The following RARB variants were observed in gnomAD, a reference collection of about 807,000 sequenced individuals.
The protein encoded by RARB is HBV-activated protein.
RARB carries 17 observed loss-of-function variants against 51.9 expected under a neutral mutation model. The ratio of observed to expected loss-of-function variants is 0.33; its 90% CI spans 0.22 to 0.49. The LOEUF (loss-of-function observed/expected upper bound fraction) is 0.49, where lower values mean the gene tolerates loss of function less well. Among genes scored for constraint, RARB ranks in the 20% least tolerant of loss-of-function variants. The probability of loss-of-function intolerance (pLI) is 0.99; values close to 1 mark genes in which losing one functional copy is unlikely to be tolerated. For synonymous variants in RARB, 215 were observed against 195.4 expected (o/e 1.10, Z -0.84); for missense variants, 369 against 550.8 (o/e 0.67, Z 3.30).
rs1360543730 is a variant in RARB at position 25,467,460 on chromosome 3, A to C, written c.306+6119A>C. Among the ~76,000 whole-genome samples, 4 of 144,848 alleles carry C rather than the reference A, an allele frequency of 2.8e-5. No individual in the cohort carries two copies. The East Asian group carries it at 8.4e-4, about 30-fold the overall frequency. ...CCATTAGCCTAGCCTAGGCTTCTTCACGTGGTGGATGGGTTCCCATCAGTA... is the reference window on the plus strand; with the variant it reads ...CCATTAGCCTAGCCTAGGCTTCTTCCCGTGGTGGATGGGTTCCCATCAGTA... On this transcript the variant is annotated intron_variant, in intron 2 of 7. Coordinates refer to ENST00000330688, the MANE Select transcript of RARB (RefSeq NM_000965.5).
At chr3:25,417,963 C>G (rs1164529928) in intron 5 of RARB, among the ~76,000 whole-genome samples, 1 of 152,186 alleles carries the variant, frequency 6.6e-6, no homozygotes, top group Non-Finnish European at 1.5e-5. Context: ...TGTGGCCTTG[C>G]CTCCCTCTGG....
At chr3:25,337,934 C>T (rs998139594) in intron 5 of RARB, among the ~76,000 whole-genome samples, 1 of 151,932 alleles carries the variant, frequency 6.6e-6, no homozygotes, top group African/African-American at 2.4e-5. Context: ...ACTAAGTTTA[C>T]CTAGACAGAA....
chr3:25,189,201 A>C (rs1701042710), intron 5 of RARB, among the ~76,000 whole-genome samples: 1 of 152,164 alleles, frequency 6.6e-6, no homozygotes, highest in Admixed American at 6.6e-5. Flanking sequence ...TCCAAAGGTC[A>C]GTCAGCAAAA....
chr3:24,872,905 C>A lies in RARB; in HGVS notation c.-380+14153C>A, dbSNP rs1195731520. Among the ~76,000 whole-genome samples, 3 of 152,242 alleles carry A rather than the reference C, an allele frequency of 2.0e-5. No individual in the cohort carries two copies. The South Asian group carries it at 6.2e-4, about 31-fold the overall frequency. ...ATCCCTGCGCGTTGACTCTCACTTA[C>A]TGTCCTGTTTTCACACCAGTTATTT... On this transcript the variant is annotated intron_variant, in intron 2 of 11. Coordinates refer to the RARB transcript ENST00000383772.
intron 3 of RARB, among the ~76,000 whole-genome samples, chr3:25,071,411 G>T (rs1018965405): frequency 6.6e-6 from 1 of 152,128 alleles, no homozygotes; most frequent in Non-Finnish European, 1.5e-5. Flanking sequence ...AGAAGGAGAA[G>T]TAATATATCT....
chr3:24,897,713 AC>A (rs1457180354), intron 2 of RARB, among the ~76,000 whole-genome samples: 1 of 150,268 alleles, frequency 6.7e-6, no homozygotes, highest in Non-Finnish European at 1.5e-5. Flanking sequence ...CTGTCCAGAA[AC>A]CATCACAGTA....
intron 3 of RARB, among the ~76,000 whole-genome samples, chr3:25,548,407 T>G (rs986791363): frequency 6.6e-6 from 1 of 152,170 alleles, no homozygotes; most frequent in East Asian, 1.9e-4. Flanking sequence ...TGTACTCTAT[T>G]CAAGGTTATA....
In RARB at chr3:24,964,914, C is replaced by T. The variant is rs185878340; in HGVS notation, c.-379-95211C>T. On this transcript the variant is annotated intron_variant, in intron 2 of 11. Coordinates refer to the RARB transcript ENST00000383772. ...TTGTGACAGGTTTCTTAGTTCACAT[C>T]ACATAGGCAGATATTCATTTGTACT... Among the ~76,000 whole-genome samples, 202 of 152,274 alleles carry T rather than the reference C, an allele frequency of 1.3e-3. 3 individuals carry two copies. Among genetic ancestry groups the T allele is most frequent in the African/African-American group, 4.7e-3 (196 of 41,572 alleles).
chr3:25,428,596 G>A lies in RARB; in HGVS notation c.-136G>A. On this transcript the variant is annotated 5_prime_UTR_variant, in exon 1 of 8. Transcript: ENST00000330688. ...CTTGTCTGTCATAATTCATGATTCGGGGCTGGGAAAAAGACCAACAGCCTA... is the reference window on the plus strand; with the variant it reads ...CTTGTCTGTCATAATTCATGATTCGAGGCTGGGAAAAAGACCAACAGCCTA... 7.1e-7 allele frequency: 1 copy of A among 1,401,360 alleles called. No homozygotes were observed. 86.8% of individuals were successfully genotyped at this position (1,401,360 alleles called of 1,614,324 possible).
intron 1 of RARB, among the ~76,000 whole-genome samples, chr3:25,438,216 A>G (rs1708513603): frequency 6.6e-6 from 1 of 152,140 alleles, no homozygotes; most frequent in African/African-American, 2.4e-5. Flanking sequence ...TCGAGAGTGA[A>G]CCTTCCAGGA....
chr3:24,888,053 C>T (rs1349559254), intron 2 of RARB, among the ~76,000 whole-genome samples: 1 of 152,064 alleles, frequency 6.6e-6, no homozygotes, highest in African/African-American at 2.4e-5. Flanking sequence ...CTTGGTGATT[C>T]ATGAGTAATG....
chr3:25,232,596 T>C (rs1702204705), intron 5 of RARB, among the ~76,000 whole-genome samples: 1 of 152,198 alleles, frequency 6.6e-6, no homozygotes, highest in Non-Finnish European at 1.5e-5. Context: ...ATATTTTTTA[T>C]ATTTATGTCT....
At chr3:25,360,082 G>A (rs1261286269) in intron 5 of RARB, among the ~76,000 whole-genome samples, 2 of 152,246 alleles carry the variant, frequency 1.3e-5, no homozygotes, top group African/African-American at 2.4e-5. Flanking sequence ...GGGTGTTAAA[G>A]TTTCCCAATA....
chr3:25,330,238 G>GA (rs1704851510), intron 5 of RARB, among the ~76,000 whole-genome samples: 2 of 152,108 alleles, frequency 1.3e-5, no homozygotes, highest in African/African-American at 2.4e-5. Flanking sequence ...TGAAATGAAG[G>GA]AAAAAGTGTT....
At chr3:25,420,759 G>A (rs1388325692) in intron 5 of RARB, among the ~76,000 whole-genome samples, 2 of 152,152 alleles carry the variant, frequency 1.3e-5, no homozygotes, top group Non-Finnish European at 2.9e-5. Context: ...GCAAGTGGAT[G>A]TGTGGATAAC....
At chr3:25,307,129 G>A (rs322692) in intron 5 of RARB, among the ~76,000 whole-genome samples, 60,641 of 151,946 alleles carry the variant, frequency 0.4, 13,064 homozygotes, top group African/African-American at 0.54. Context: ...TCATGCCTGT[G>A]ATCCCTCAGG....
rs78860223 is a variant in RARB, at chr3:24,939,720, T to C, written c.-380+80968T>C. Among the ~76,000 whole-genome samples the C allele has an allele frequency of 3.2e-3, 484 of 152,338 alleles. 4 individuals are homozygous for C. The highest frequency in any genetic ancestry group is 0.011 in the African/African-American group (458 of 41,584). ...ATGAAAACCATCACGCTGATGAGCATGTTCTTTGTAAAACTAACAATTACA... is the reference window on the plus strand; with the variant it reads ...ATGAAAACCATCACGCTGATGAGCACGTTCTTTGTAAAACTAACAATTACA... On this transcript the variant is annotated intron_variant, in intron 2 of 11. Coordinates refer to the RARB transcript ENST00000383772.
chr3:25,297,470 T>C (rs17016150), intron 5 of RARB, among the ~76,000 whole-genome samples: 6,263 of 139,188 alleles, frequency 0.045, 158 homozygotes, highest in Middle Eastern at 0.086. Context: ...GGATTTAGAC[T>C]GGTCAAAGGT....
intron 5 of RARB, among the ~76,000 whole-genome samples, chr3:25,220,128 A>G (rs930001355): frequency 1.3e-5 from 2 of 152,238 alleles, no homozygotes; most frequent in African/African-American, 2.4e-5. Flanking sequence ...GTAGCCATAA[A>G]TTAAATATTG....
Sources: gnomAD v4.1 joint callset for allele counts (sites outside exome capture counted in the v4.1 genomes callset) on GRCh38, gnomAD v4.1.1 for gene constraint, MANE v1.5 for transcripts, NCBI Gene and HGNC (gene_info 2026-07-23, HGNC 2026-07-21) for gene names.